Variants in WDR72 observed in about 807,000 individuals in gnomAD.
WDR72 encodes WD repeat domain 72.
WDR72 carries 120 observed loss-of-function variants against 124.2 expected under a neutral mutation model. The observed-to-expected ratio is 0.97, with a 90% CI of 0.83 to 1.12. The LOEUF (loss-of-function observed/expected upper bound fraction) is 1.12, where lower values mean the gene tolerates loss of function less well. Ranked by LOEUF, WDR72 falls within the 50% of genes most tolerant of loss-of-function variation. The pLI, the probability that WDR72 is intolerant of heterozygous loss-of-function variation, is 0.00. For synonymous variants in WDR72, 452 were observed against 441.7 expected, an observed-to-expected ratio of 1.02 and a Z score of -0.29; for missense variants, 1,387 against 1,278.8, an observed-to-expected ratio of 1.08 and a Z score of -1.29.
chr15:53,623,118 T>G (rs1221152155), intron 14 of WDR72, among the ~76,000 whole-genome samples: 1 of 152,180 alleles, frequency 6.6e-6, no homozygotes, highest in Non-Finnish European at 1.5e-5. Context: ...CGGGTTTTGA[T>G]TTCTTAATTA....
At chr15:53,598,503 T>C (rs895331370) in intron 17 of WDR72, among the ~76,000 whole-genome samples, 1 of 152,054 alleles carries the variant, frequency 6.6e-6, no homozygotes, top group Admixed American at 6.6e-5. Context: ...CTCTTTTGTA[T>C]GTGATGGTAG....
At chr15:53,676,481 G>A (rs2016176645) in intron 13 of WDR72, among the ~76,000 whole-genome samples, 1 of 152,230 alleles carries the variant, frequency 6.6e-6, no homozygotes, top group Non-Finnish European at 1.5e-5. Context: ...TATTTGATGT[G>A]CCATTGCTAG....
chr15:53,613,946 C>CTTATTTAT (rs35789605), intron 15 of WDR72, among the ~76,000 whole-genome samples, 189 bp from the exon 16 acceptor site: 8 of 151,126 alleles, frequency 5.3e-5, no homozygotes, highest in Non-Finnish European at 8.9e-5. Context: ...CACCTAAAAT[C>CTTATTTAT]TTATTTATTT....
intron 18 of WDR72, among the ~76,000 whole-genome samples, chr15:53,533,060 C>T (rs533615869): frequency 2.6e-5 from 4 of 152,156 alleles, no homozygotes; most frequent in East Asian, 1.9e-4. Context: ...CTGGTGCTTT[C>T]GGAAGGAGAC....
intron 14 of WDR72, among the ~76,000 whole-genome samples, chr15:53,646,307 TA>T (rs1447836714): frequency 4.6e-5 from 7 of 152,116 alleles, no homozygotes; most frequent in African/African-American, 1.7e-4. Flanking sequence ...CTCGTGCTTA[TA>T]AAACCCCCGT....
chr15:53,546,682 C>T (rs74788957), intron 18 of WDR72, among the ~76,000 whole-genome samples: 1,756 of 151,782 alleles, frequency 0.012, 26 homozygotes, highest in African/African-American at 0.039. Context: ...AAAAAAAGAA[C>T]AAAGAAAGAA....
intron 3 of WDR72, among the ~76,000 whole-genome samples, chr15:53,722,363 G>A (rs775746711): frequency 6.6e-6 from 1 of 152,048 alleles, no homozygotes; most frequent in African/African-American, 2.4e-5. Context: ...ATCAGACAAG[G>A]GTACAACATG....
At chr15:53,718,160 T>C (rs916983990) in intron 3 of WDR72, among the ~76,000 whole-genome samples, 1 of 152,162 alleles carries the variant, frequency 6.6e-6, no homozygotes, top group African/African-American at 2.4e-5. Flanking sequence ...CCAAATATTA[T>C]CTCCAGAGAT....
chr15:53,606,024 G>A (rs2013266347), intron 17 of WDR72, among the ~76,000 whole-genome samples: 1 of 152,120 alleles, frequency 6.6e-6, no homozygotes, highest in African/African-American at 2.4e-5. Context: ...GCAGAGATGA[G>A]AAGAGAACCT....
At chr15:53,664,465 T>TG (rs2015711178) in intron 14 of WDR72, among the ~76,000 whole-genome samples, 1 of 151,568 alleles carries the variant, frequency 6.6e-6, no homozygotes, top group Non-Finnish European at 1.5e-5. Context: ...TCTACTGCTT[T>TG]GAGGCATGGC....
At chr15:53,598,127 A>G (rs1481300765) in intron 17 of WDR72, among the ~76,000 whole-genome samples, 2 of 152,158 alleles carry the variant, frequency 1.3e-5, no homozygotes, top group Non-Finnish European at 2.9e-5. Flanking sequence ...CCAGGAGCTG[A>G]ATTAGGGAGA....
intron 18 of WDR72, among the ~76,000 whole-genome samples, chr15:53,575,686 C>A (rs926593606): frequency 1.3e-5 from 2 of 152,098 alleles, no homozygotes; most frequent in African/African-American, 4.8e-5. Context: ...AAGATTAGAT[C>A]ATGTGTGTAA....
intron 14 of WDR72, 87 bp from the exon 15 acceptor site, chr15:53,616,330 G>GT: frequency 8.7e-7 from 1 of 1,148,554 alleles, no homozygotes; most frequent in Non-Finnish European, 1.3e-6. Context: ...TTTTTAAAAA[G>GT]TATTACATTG....
At chr15:53,596,969 T>C in intron 18 of WDR72, 110 bp downstream of exon 18, 2 of 1,036,710 alleles carry the variant, frequency 1.9e-6, no homozygotes, top group African/African-American at 1.6e-5. Context: ...GTCTATCACT[T>C]GTGCACCATG....
intron 18 of WDR72, among the ~76,000 whole-genome samples, chr15:53,582,432 G>A (rs185826264): frequency 4.6e-5 from 7 of 151,880 alleles, no homozygotes; most frequent in African/African-American, 1.7e-4. Context: ...TGAGGGTGGC[G>A]CCTGCACAAT....
rs112470630 is a variant in WDR72 at position 53,612,391 on chromosome 15, G to A, written c.2872+1275C>T. Reference sequence around the variant, plus strand: ...GGCTTATGGAGAACAGTACAACAGCGAAAGGGGTAGGGAGTGCTGCTGCAG... The same window carrying A: ...GGCTTATGGAGAACAGTACAACAGCAAAAGGGGTAGGGAGTGCTGCTGCAG... On this transcript the variant is annotated intron_variant, in intron 16 of 19. Coordinates refer to ENST00000360509, the MANE Select transcript of WDR72 (RefSeq NM_182758.4). Among the ~76,000 whole-genome samples the A allele has an allele frequency of 7.8e-4, 119 of 152,176 alleles. 1 individual carries two copies. Among genetic ancestry groups the A allele is most frequent in the African/African-American group, 2.6e-3 (106 of 41,538 alleles).
chr15:53,710,446 G>A lies in WDR72; in HGVS notation c.954+411C>T, dbSNP rs117134569. 2.3e-3 allele frequency among the ~76,000 whole-genome samples: 343 copies of A among 152,006 alleles called. 1 individual carries two copies. The highest frequency in any genetic ancestry group is 3.8e-3 in the Non-Finnish European group (258 of 67,974). ...AGCAATTGGTGAATCTAAGTAAAAC[G>A]TATATGAATAATTACTACACTACTC... On this transcript the variant is annotated intron_variant, in intron 9 of 19. Transcript: ENST00000360509.
chr15:53,718,021 CAT>C (rs1380771688), intron 3 of WDR72, among the ~76,000 whole-genome samples: 1 of 152,058 alleles, frequency 6.6e-6, no homozygotes, highest in African/African-American at 2.4e-5. Context: ...AATAAAGAAA[CAT>C]ATTGCAAAGG....
intron 14 of WDR72, among the ~76,000 whole-genome samples, chr15:53,637,506 T>C (rs759038935): frequency 2.6e-5 from 4 of 152,226 alleles, no homozygotes; most frequent in Non-Finnish European, 5.9e-5. Context: ...CAAGTGTCTG[T>C]AGAATTAAGT....
Sources: gnomAD v4.1 joint callset for allele counts (sites outside exome capture counted in the v4.1 genomes callset) on GRCh38, gnomAD v4.1.1 for gene constraint, MANE v1.5 for transcripts, NCBI Gene and HGNC (gene_info 2026-07-23, HGNC 2026-07-21) for gene names.